Variants in NLGN1 observed in about 807,000 individuals in gnomAD.
The protein encoded by NLGN1 is neuroligin-1.
NLGN1 carries 12 observed loss-of-function variants against 65.5 expected under a neutral mutation model. The observed-to-expected ratio is 0.18, with a 90% CI of 0.12 to 0.30. The LOEUF is 0.30. NLGN1 is among the 10% of genes least tolerant of loss of function. The pLI, the probability that NLGN1 is intolerant of heterozygous loss-of-function variation, is 1.00. For synonymous variants in NLGN1, 350 were observed against 359.5 expected (o/e 0.97, Z 0.30); for missense variants, 750 against 1,007.1 (o/e 0.74, Z 3.46).
intron 2 of NLGN1, among the ~76,000 whole-genome samples, chr3:173,550,078 A>G (rs1026480030): frequency 6.6e-6 from 1 of 152,062 alleles, no homozygotes; most frequent in Non-Finnish European, 1.5e-5. Context: ...GGTTCAGTCA[A>G]GGCTTGATTT....
chr3:173,791,198 T>G (rs998727056), intron 3 of NLGN1, among the ~76,000 whole-genome samples: 1 of 152,140 alleles, frequency 6.6e-6, no homozygotes, highest in Admixed American at 6.6e-5. Context: ...TCCTGGGAAA[T>G]TGGCCCAGCC....
At chr3:173,909,288 T>A (rs1441786910) in intron 4 of NLGN1, among the ~76,000 whole-genome samples, 1 of 152,108 alleles carries the variant, frequency 6.6e-6, no homozygotes, top group Non-Finnish European at 1.5e-5. Flanking sequence ...GAACTTCAAT[T>A]TAACCCTGGG....
At chr3:173,530,624 C>T (rs759672636) in intron 2 of NLGN1, among the ~76,000 whole-genome samples, 12 of 152,074 alleles carry the variant, frequency 7.9e-5, no homozygotes, top group East Asian at 1.9e-4. Flanking sequence ...AAGCTGTTGG[C>T]GTTGGTCTTC....
chr3:173,824,567 ATGACATGTGTGTAT>A (rs72212856), intron 4 of NLGN1, among the ~76,000 whole-genome samples: 19,232 of 152,066 alleles, frequency 0.13, 1,324 homozygotes, highest in African/African-American at 0.18. Context: ...TGTGCTGTGT[ATGACATGTGTGTAT>A]TGACATGTGC....
intron 2 of NLGN1, among the ~76,000 whole-genome samples, chr3:173,461,258 A>G (rs1291467112): frequency 6.6e-6 from 1 of 152,170 alleles, no homozygotes; most frequent in Non-Finnish European, 1.5e-5. Context: ...TTTAGTGAGC[A>G]CTAGGGGAAT....
intron 2 of NLGN1, among the ~76,000 whole-genome samples, chr3:173,542,759 A>G (rs1739110551): frequency 6.6e-6 from 1 of 152,060 alleles, no homozygotes; most frequent in African/African-American, 2.4e-5. Context: ...TATTGTTTAT[A>G]TACAGTTGTC....
At chr3:173,596,136 A>G (rs1005313673) in intron 2 of NLGN1, among the ~76,000 whole-genome samples, 1 of 152,178 alleles carries the variant, frequency 6.6e-6, no homozygotes, top group East Asian at 1.9e-4. Flanking sequence ...TCTCCAATTA[A>G]TGTTAAGTTT....
intron 4 of NLGN1, among the ~76,000 whole-genome samples, chr3:173,990,749 ATGAATAT>A (rs1273282822): frequency 1.3e-5 from 2 of 152,162 alleles, no homozygotes; most frequent in Non-Finnish European, 2.9e-5. Flanking sequence ...ATGCGTAGTT[ATGAATAT>A]TCATATTCAT....
chr3:173,721,441 A>G (rs1770819049), intron 3 of NLGN1, among the ~76,000 whole-genome samples: 1 of 152,240 alleles, frequency 6.6e-6, no homozygotes, highest in South Asian at 2.1e-4. Context: ...TTTGTTGCAC[A>G]TAGCACTTCT....
chr3:174,268,262 C>T (rs180836075), intron 4 of NLGN1, among the ~76,000 whole-genome samples: 1 of 152,234 alleles, frequency 6.6e-6, no homozygotes, highest in East Asian at 1.9e-4. Flanking sequence ...AGCAGTTATT[C>T]AAACTGCACA....
chr3:173,538,988 A>G (rs1737948547), intron 2 of NLGN1, among the ~76,000 whole-genome samples: 1 of 151,756 alleles, frequency 6.6e-6, no homozygotes, highest in African/African-American at 2.4e-5. Context: ...TGGACAAACC[A>G]TCAGCCACAG....
At chr3:174,148,280 G>A (rs1015179309) in intron 4 of NLGN1, among the ~76,000 whole-genome samples, 1 of 152,150 alleles carries the variant, frequency 6.6e-6, no homozygotes, top group Non-Finnish European at 1.5e-5. Flanking sequence ...TAGATTACAC[G>A]TAAAAGGGGA....
intron 2 of NLGN1, among the ~76,000 whole-genome samples, chr3:173,480,684 A>G (rs1403268859): frequency 6.6e-6 from 1 of 152,120 alleles, no homozygotes; most frequent in African/African-American, 2.4e-5. Flanking sequence ...AGGTAATTCA[A>G]CTAGGTGATA....
At chr3:173,751,820 T>C (rs1380908027) in intron 3 of NLGN1, among the ~76,000 whole-genome samples, 3 of 152,134 alleles carry the variant, frequency 2.0e-5, no homozygotes, top group African/African-American at 7.2e-5. Flanking sequence ...TATCTTATGC[T>C]ATTCCCACAA....
At chr3:174,266,480 C>A (rs188192090) in intron 4 of NLGN1, among the ~76,000 whole-genome samples, 1 of 152,154 alleles carries the variant, frequency 6.6e-6, no homozygotes, top group East Asian at 1.9e-4. Flanking sequence ...TATGTTGATT[C>A]CATGTCTTTG....
intron 4 of NLGN1, among the ~76,000 whole-genome samples, chr3:173,880,817 C>T (rs1022368294): frequency 2.6e-5 from 4 of 152,128 alleles, no homozygotes; most frequent in African/African-American, 9.7e-5. Flanking sequence ...ACAGACTTTT[C>T]TGTAGCATTC....
chr3:173,851,886 CTTA>C (rs1015336867), intron 4 of NLGN1, among the ~76,000 whole-genome samples: 5 of 151,156 alleles, frequency 3.3e-5, no homozygotes, highest in Admixed American at 6.6e-5. Context: ...TTCTAAGAGT[CTTA>C]TTATAAAACA....
intron 4 of NLGN1, among the ~76,000 whole-genome samples, chr3:173,913,950 G>A (rs974846295): frequency 3.3e-5 from 5 of 152,140 alleles, no homozygotes; most frequent in East Asian, 1.9e-4. Flanking sequence ...ACACTGCACC[G>A]CAGGAAACTT....
intron 4 of NLGN1, among the ~76,000 whole-genome samples, chr3:174,082,357 A>G (rs1291599306): frequency 6.6e-6 from 1 of 152,060 alleles, no homozygotes; most frequent in South Asian, 2.1e-4. Context: ...AAAGTCAATT[A>G]AAAAAACAAA....
Sources: gnomAD v4.1 joint callset for allele counts (sites outside exome capture counted in the v4.1 genomes callset) on GRCh38, gnomAD v4.1.1 for gene constraint, MANE v1.5 for transcripts, NCBI Gene and HGNC (gene_info 2026-07-23, HGNC 2026-07-21) for gene names.